Variants in SEC24A observed in about 807,000 individuals in gnomAD.
SEC24A encodes the protein protein transport protein Sec24A.
A neutral mutation model predicts 129.4 loss-of-function variants in SEC24A; 93 were observed. That is an observed-to-expected ratio of 0.72 (90% CI 0.61 to 0.85). SEC24A has a LOEUF of 0.85. SEC24A is among the 40% of genes least tolerant of loss of function. The pLI is 0.00. For missense variants in SEC24A, 1,264 were observed against 1,307.4 expected (o/e 0.97, Z 0.51); for synonymous variants, 460 against 467.3 (o/e 0.98, Z 0.20).
At position 134,655,972 on chromosome 5, in the gene SEC24A, A is replaced by G. The variant is rs375124934; in HGVS notation, c.98-5147A>G. ...GGTGACCTATTTTTCTTACTCTTAT[A>G]TACTCCCTGGGTGTCTTTAATTCCC... On this transcript the variant is annotated intron_variant, in intron 1 of 22. Transcript: ENST00000398844. 1.0e-3 allele frequency among the ~76,000 whole-genome samples: 152 copies of G among 151,198 alleles called. 2 individuals are homozygous for G. The South Asian group carries it at 0.031, about 31-fold the overall frequency.
At chr5:134,684,909 A>G (rs1004008669) in intron 9 of SEC24A, among the ~76,000 whole-genome samples, 5 of 152,110 alleles carry the variant, frequency 3.3e-5, no homozygotes, top group African/African-American at 9.7e-5. Context: ...AAACTTTCCT[A>G]TAGCAGAAGG....
intron 3 of SEC24A, among the ~76,000 whole-genome samples, chr5:134,669,780 GA>G (rs772835796): frequency 5.0e-4 from 74 of 148,386 alleles, no homozygotes; most frequent in African/African-American, 1.5e-3. Context: ...CCCGGCCCCA[GA>G]AAAAAAAAAC....
chr5:134,695,929 A>C (rs1751808351), intron 13 of SEC24A, among the ~76,000 whole-genome samples: 1 of 140,034 alleles, frequency 7.1e-6, no homozygotes, highest in South Asian at 2.3e-4. Flanking sequence ...TGGGTGACAG[A>C]GTGAGACTCT....
intron 17 of SEC24A, among the ~76,000 whole-genome samples, chr5:134,706,836 G>A (rs1419655746): frequency 6.6e-6 from 1 of 152,008 alleles, no homozygotes; most frequent in Non-Finnish European, 1.5e-5. Flanking sequence ...GACTACAGGC[G>A]CACGACACCA....
At chr5:134,672,125 C>A (rs1411888039) in intron 4 of SEC24A, among the ~76,000 whole-genome samples, 1 of 151,934 alleles carries the variant, frequency 6.6e-6, no homozygotes, top group African/African-American at 2.4e-5. Context: ...TCAAGCAGTC[C>A]TCCCACCTCA....
At chr5:134,724,843 G>A in intron 22 of SEC24A, 137 bp from the exon 23 acceptor site, 1 of 596,398 alleles carries the variant, frequency 1.7e-6, no homozygotes, top group Non-Finnish European at 3.0e-6. Flanking sequence ...AATCAACCAA[G>A]TATTCTCAGA....
intron 13 of SEC24A, among the ~76,000 whole-genome samples, chr5:134,696,862 A>G (rs1027308828): frequency 2.0e-5 from 3 of 151,614 alleles, no homozygotes; most frequent in Admixed American, 6.6e-5. Context: ...TCCTGGGCTC[A>G]AGCAGTCCAC....
chr5:134,719,308 G>A (rs951246136), intron 20 of SEC24A, among the ~76,000 whole-genome samples: 1 of 151,376 alleles, frequency 6.6e-6, no homozygotes, highest in African/African-American at 2.4e-5. Flanking sequence ...TCTGAGCTGG[G>A]GAGGCTGAGG....
intron 13 of SEC24A, among the ~76,000 whole-genome samples, chr5:134,696,691 G>C (rs920521098): frequency 1.3e-5 from 2 of 151,956 alleles, no homozygotes; most frequent in African/African-American, 4.8e-5. Flanking sequence ...GTAGAGACGG[G>C]GTTTCACCAT....
At chr5:134,718,996 A>T (rs1260200170) in intron 20 of SEC24A, among the ~76,000 whole-genome samples, 1 of 151,942 alleles carries the variant, frequency 6.6e-6, no homozygotes, top group Non-Finnish European at 1.5e-5. Flanking sequence ...TAAAATAGAA[A>T]AATGCTTATA....
chr5:134,660,296 G>A (rs934589913), intron 1 of SEC24A, among the ~76,000 whole-genome samples: 3 of 151,986 alleles, frequency 2.0e-5, no homozygotes, highest in African/African-American at 7.2e-5. Context: ...AGCCCAGGAG[G>A]TCAGAGCTAC....
At chr5:134,692,726 T>C (rs1751698812) in intron 12 of SEC24A, 69 bp downstream of exon 12, 1 of 970,458 alleles carries the variant, frequency 1.0e-6, no homozygotes, top group East Asian at 2.4e-5. Context: ...GAAATGAACT[T>C]TAAGTAAAAT....
chr5:134,716,640 A>G (rs962118218), intron 19 of SEC24A, among the ~76,000 whole-genome samples: 1 of 151,346 alleles, frequency 6.6e-6, no homozygotes, highest in African/African-American at 2.4e-5. Flanking sequence ...TCTACTAAAA[A>G]TACAAAAATT....
chr5:134,705,250 T>C (rs1752125974), intron 16 of SEC24A, 77 bp from the exon 17 acceptor site: 4 of 1,158,782 alleles, frequency 3.5e-6, no homozygotes, highest in Non-Finnish European at 5.1e-6. Context: ...TAAGAAGTGA[T>C]TTTTCCAAGT....
chr5:134,710,258 C>A (rs1752283220), intron 18 of SEC24A, among the ~76,000 whole-genome samples: 1 of 151,270 alleles, frequency 6.6e-6, no homozygotes. Context: ...GTTGCCCAGG[C>A]TGGAGCGCAG....
intron 3 of SEC24A, among the ~76,000 whole-genome samples, chr5:134,667,219 C>T (rs1750692376): frequency 6.6e-6 from 1 of 152,038 alleles, no homozygotes; most frequent in African/African-American, 2.4e-5. Context: ...TGTTTTGTTA[C>T]TTTTTTTGTT....
intron 18 of SEC24A, among the ~76,000 whole-genome samples, chr5:134,713,398 C>T (rs947629228): frequency 1.3e-4 from 20 of 152,062 alleles, no homozygotes; most frequent in African/African-American, 4.3e-4. Context: ...ATCACCCTTA[C>T]CTCCTGTATT....
In SEC24A at chr5:134,697,948, C is replaced by A; in HGVS notation, c.2157C>A (p.Tyr719Ter). 1 of 1,613,758 alleles carries A rather than the reference C, an allele frequency of 6.2e-7. No individual in the cohort carries two copies. The highest frequency in any genetic ancestry group is 1.1e-5 in the South Asian group (1 of 91,040). The change falls in exon 15 of 23, where the codon TAC (tyrosine) becomes TAA (stop). Residue 719 changes from tyrosine (Y) to a stop codon, truncating the protein, a stop_gained. Transcript: ENST00000398844. LOFTEE classifies it high-confidence loss of function. ...GTAGTGTCTATTACTATCCCTCTTACCATCATCAGCACAACCCAGTCCAAG... is the reference window on the plus strand; with the variant it reads ...GTAGTGTCTATTACTATCCCTCTTAACATCATCAGCACAACCCAGTCCAAG... ...SAGSVYYYPS[Y>*]HHQHNPVQVQ...
chr5:134,710,903 A>G (rs2150109032), intron 18 of SEC24A, among the ~76,000 whole-genome samples: 1 of 152,348 alleles, frequency 6.6e-6, no homozygotes, highest in African/African-American at 2.4e-5. Flanking sequence ...TGGGAGGCCA[A>G]GGCGGGCGGA....
Sources: gnomAD v4.1 joint callset for allele counts (sites outside exome capture counted in the v4.1 genomes callset) on GRCh38, gnomAD v4.1.1 for gene constraint, MANE v1.5 for transcripts, NCBI Gene and HGNC (gene_info 2026-07-23, HGNC 2026-07-21) for gene names.